DOCK2: variants seen among roughly 807,000 people sequenced by gnomAD.
The protein encoded by DOCK2 is dedicator of cytokinesis protein 2.
DOCK2 carries 87 observed loss-of-function variants against 248.9 expected under a neutral mutation model. That is an observed-to-expected ratio of 0.35 (90% CI 0.29 to 0.42). The LOEUF (loss-of-function observed/expected upper bound fraction) is 0.42. Among genes scored for constraint, DOCK2 ranks in the 10% least tolerant of loss-of-function variants. The probability of loss-of-function intolerance (pLI) is 1.00; values close to 1 mark genes in which losing one functional copy is unlikely to be tolerated. For synonymous variants in DOCK2, 805 were observed against 821.6 expected, an observed-to-expected ratio of 0.98 and a Z score of 0.35; for missense variants, 1,747 against 2,300.2, an observed-to-expected ratio of 0.76 and a Z score of 4.92.
rs749865297 is a variant in DOCK2, at chr5:169,759,710, G to A, written c.2382G>A (p.Ala794=). 2.2e-5 allele frequency: 35 copies of A among 1,613,840 alleles called. 1 individual carries two copies. The highest frequency in any genetic ancestry group is 8.8e-5 in the South Asian group (8 of 91,084). The part of the protein sequence containing the change: ...QYKTTILLQV[A]ALKYIPSVLH... ...GTATTTTACATTCCACCTAGGTGGC[G>A]GCTTTGAAATACATCCCATCTGTCC... Residue 794 remains alanine, a synonymous_variant, in exon 24 of 52, where the codon GCG becomes GCA. Transcript: ENST00000520908.
chr5:169,943,688 T>C (rs2113710280), intron 27 of DOCK2, among the ~76,000 whole-genome samples: 1 of 152,320 alleles, frequency 6.6e-6, no homozygotes. Context: ...GGTGTGGTCC[T>C]GGGATCAGTG....
chr5:169,684,405 G>A (rs568199496), intron 8 of DOCK2, 55 bp downstream of exon 8: 1 of 1,568,166 alleles, frequency 6.4e-7, no homozygotes, highest in Non-Finnish European at 8.7e-7. Flanking sequence ...AGTGCACAGA[G>A]CATCTTTTCT....
Position 169,738,082 on chromosome 5 carries a change from G to A in DOCK2, c.2268-9314G>A, listed in dbSNP as rs1287165360. On this transcript the variant is annotated intron_variant, in intron 22 of 51. Coordinates refer to ENST00000520908, the MANE Select transcript of DOCK2 (RefSeq NM_004946.3). ...GTTTGGACTGAATTAGAGGACACCA[G>A]CTGTGTCCACTGCAGAATTCATTGC... is the stretch of plus-strand genomic sequence containing the variant. Among the ~76,000 whole-genome samples the A allele has an allele frequency of 2.6e-5, 4 of 152,206 alleles. No individual in the cohort carries two copies. In the East Asian group the frequency reaches 5.8e-4, roughly 22 times the overall value.
chr5:170,028,914 A>G (rs1756025746), intron 34 of DOCK2, among the ~76,000 whole-genome samples: 1 of 152,212 alleles, frequency 6.6e-6, no homozygotes, highest in Non-Finnish European at 1.5e-5. Flanking sequence ...TTGCCAAATA[A>G]TATTTGGTAA....
chr5:169,885,565 T>C (rs1772925979), intron 27 of DOCK2, among the ~76,000 whole-genome samples: 1 of 152,234 alleles, frequency 6.6e-6, no homozygotes, highest in African/African-American at 2.4e-5. Context: ...CATGAACTTC[T>C]CTGAGGAACA....
At chr5:169,744,858 C>A (rs1763516516) in intron 22 of DOCK2, among the ~76,000 whole-genome samples, 1 of 152,180 alleles carries the variant, frequency 6.6e-6, no homozygotes, top group Admixed American at 6.5e-5. Flanking sequence ...GGAGCCCAGC[C>A]TTGTTGGAGG....
chr5:169,832,498 G>A (rs1263713740), intron 26 of DOCK2, among the ~76,000 whole-genome samples: 1 of 152,184 alleles, frequency 6.6e-6, no homozygotes, highest in Admixed American at 6.5e-5. Flanking sequence ...TCGCTGAGCT[G>A]TCTCTGTCCC....
At chr5:169,832,358 C>G (rs768707955) in intron 26 of DOCK2, among the ~76,000 whole-genome samples, 9 of 152,226 alleles carry the variant, frequency 5.9e-5, no homozygotes, top group Non-Finnish European at 1.0e-4. Context: ...ACATGTGTGA[C>G]AACATGAAAG....
intron 34 of DOCK2, among the ~76,000 whole-genome samples, chr5:170,034,091 C>A (rs767295261): frequency 6.6e-6 from 1 of 152,170 alleles, no homozygotes; most frequent in Admixed American, 6.5e-5. Flanking sequence ...TTTACAGATA[C>A]TTTGAAAATT....
intron 22 of DOCK2, among the ~76,000 whole-genome samples, chr5:169,719,681 G>A (rs907824235): frequency 1.3e-5 from 2 of 152,282 alleles, no homozygotes; most frequent in African/African-American, 2.4e-5. Context: ...GTTTTCCGAC[G>A]CAGAGGCTGC....
intron 27 of DOCK2, among the ~76,000 whole-genome samples, chr5:169,885,940 G>A (rs753841007): frequency 2.0e-5 from 3 of 152,194 alleles, no homozygotes; most frequent in Non-Finnish European, 4.4e-5. Flanking sequence ...GAGAGGGTAA[G>A]TACTCAGTAG....
intron 44 of DOCK2, among the ~76,000 whole-genome samples, chr5:170,061,862 T>A (rs1013380260): frequency 6.6e-6 from 1 of 152,172 alleles, no homozygotes; most frequent in South Asian, 2.1e-4. Flanking sequence ...AGATTTTCAG[T>A]ACAACTCAGT....
chr5:169,768,751 T>G (rs746737000), intron 25 of DOCK2, among the ~76,000 whole-genome samples: 3 of 152,202 alleles, frequency 2.0e-5, no homozygotes, highest in Non-Finnish European at 4.4e-5. Flanking sequence ...GAACAAAGCC[T>G]CTCCCTCTCA....
intron 27 of DOCK2, among the ~76,000 whole-genome samples, chr5:169,938,800 C>G (rs912223332): frequency 6.6e-6 from 1 of 152,166 alleles, no homozygotes; most frequent in Non-Finnish European, 1.5e-5. Flanking sequence ...ACTTTTTACT[C>G]TTTTGTAATA....
chr5:169,782,219 G>A (rs1316146413), intron 25 of DOCK2, among the ~76,000 whole-genome samples: 1 of 152,146 alleles, frequency 6.6e-6, no homozygotes, highest in Non-Finnish European at 1.5e-5. Flanking sequence ...GCAGGAAAAG[G>A]AGAGAATAAT....
intron 26 of DOCK2, among the ~76,000 whole-genome samples, chr5:169,816,981 T>C (rs1276546014): frequency 1.3e-5 from 2 of 152,220 alleles, no homozygotes; most frequent in African/African-American, 4.8e-5. Context: ...TGTGTTTGGC[T>C]TGCAGAATTA....
At chr5:169,806,150 T>C (rs1224484276) in intron 26 of DOCK2, among the ~76,000 whole-genome samples, 2 of 151,958 alleles carry the variant, frequency 1.3e-5, no homozygotes, top group Non-Finnish European at 2.9e-5. Flanking sequence ...GTACCTAAAT[T>C]TCTCATGTTC....
At chr5:170,032,090 G>A (rs1223728381) in intron 34 of DOCK2, among the ~76,000 whole-genome samples, 10 of 150,906 alleles carry the variant, frequency 6.6e-5, no homozygotes, top group South Asian at 2.1e-4. Flanking sequence ...GCAGTGGCGC[G>A]ATCTCGGCTC....
rs541558086 is a variant in DOCK2 at position 169,898,927 on chromosome 5, A to G, written c.2799+58075A>G. Among the ~76,000 whole-genome samples the G allele has an allele frequency of 2.0e-5, 3 of 152,326 alleles. No homozygotes were observed. In the South Asian group the frequency reaches 6.2e-4, roughly 32 times the overall value. ...ACCACAGAGACTAAAGTGAAGAAGC[A>G]AAAGGTGGTAGAATGGTGGATTCAA... On this transcript the variant is annotated intron_variant, in intron 27 of 51. Transcript: ENST00000520908.
Sources: allele counts gnomAD v4.1 joint callset (sites outside exome capture counted in the v4.1 genomes callset), GRCh38; gene constraint gnomAD v4.1.1; transcripts MANE v1.5; gene names NCBI Gene and HGNC (gene_info 2026-07-23, HGNC 2026-07-21).